DSCAML1: variants seen among roughly 807,000 people sequenced by gnomAD.
DSCAML1 encodes DS cell adhesion molecule like 1.
Under a neutral mutation model 200.5 loss-of-function variants are expected in DSCAML1, and 38 were observed. That is an observed-to-expected ratio of 0.19 (90% CI 0.15 to 0.25). The LOEUF (loss-of-function observed/expected upper bound fraction) is 0.25, where lower values mean the gene tolerates loss of function less well. Ranked by LOEUF, DSCAML1 falls within the 10% of genes least tolerant of loss-of-function variation. The pLI, the probability that DSCAML1 is intolerant of heterozygous loss-of-function variation, is 1.00. For missense variants in DSCAML1, 2,223 were observed against 2,858.8 expected, an observed-to-expected ratio of 0.78 and a Z score of 5.07; for synonymous variants, 1,215 against 1,165.0, an observed-to-expected ratio of 1.04 and a Z score of -0.87.
intron 3 of DSCAML1, among the ~76,000 whole-genome samples, chr11:117,580,060 A>G (rs1486116884): frequency 1.3e-5 from 2 of 152,210 alleles, no homozygotes; most frequent in Non-Finnish European, 2.9e-5. Context: ...CCCATCTTCA[A>G]GTGTCTCAGA....
At chr11:117,478,199 G>A (rs1297606860) in intron 14 of DSCAML1, among the ~76,000 whole-genome samples, 1 of 152,222 alleles carries the variant, frequency 6.6e-6, no homozygotes, top group Non-Finnish European at 1.5e-5. Context: ...CCACGCATTA[G>A]AGACTGGTCA....
At chr11:117,539,202 T>C (rs984645875) in intron 3 of DSCAML1, among the ~76,000 whole-genome samples, 10 of 152,208 alleles carry the variant, frequency 6.6e-5, no homozygotes, top group Admixed American at 1.3e-4. Context: ...ATTCACCTTC[T>C]TCAGGAAGCC....
chr11:117,792,132 T>C (rs1358766040), intron 1 of DSCAML1, among the ~76,000 whole-genome samples: 5 of 152,128 alleles, frequency 3.3e-5, no homozygotes, highest in Admixed American at 3.3e-4. Context: ...CCTCTGGCCC[T>C]CCCCCTCTCT....
intron 3 of DSCAML1, among the ~76,000 whole-genome samples, chr11:117,707,347 A>T (rs770718770): frequency 6.6e-6 from 1 of 152,168 alleles, no homozygotes; most frequent in African/African-American, 2.4e-5. Flanking sequence ...ATAAGGAAAA[A>T]AGGACAGAGT....
At chr11:117,440,266 T>C (rs966203144) in intron 21 of DSCAML1, among the ~76,000 whole-genome samples, 3 of 152,082 alleles carry the variant, frequency 2.0e-5, no homozygotes, top group Non-Finnish European at 4.4e-5. Context: ...CAAAATGCTA[T>C]GGTAGGTGCA....
intron 14 of DSCAML1, among the ~76,000 whole-genome samples, chr11:117,473,292 T>A (rs1234774592): frequency 6.6e-6 from 1 of 150,848 alleles, no homozygotes; most frequent in African/African-American, 2.4e-5. Flanking sequence ...AGGTCAGGAG[T>A]TTGAGACCAG....
At chr11:117,658,061 A>G (rs897548720) in intron 3 of DSCAML1, among the ~76,000 whole-genome samples, 4 of 152,086 alleles carry the variant, frequency 2.6e-5, no homozygotes, top group African/African-American at 9.7e-5. Flanking sequence ...ACTTGAGAAC[A>G]ATGGCTTTTC....
At chr11:117,534,758 C>G (rs1385032981) in intron 3 of DSCAML1, among the ~76,000 whole-genome samples, 2 of 152,146 alleles carry the variant, frequency 1.3e-5, no homozygotes, top group African/African-American at 2.4e-5. Context: ...CACAGTCATG[C>G]ACCACCACAA....
intron 3 of DSCAML1, among the ~76,000 whole-genome samples, chr11:117,677,019 G>A (rs780165881): frequency 6.6e-6 from 1 of 152,176 alleles, no homozygotes; most frequent in African/African-American, 2.4e-5. Flanking sequence ...GATGGACTTG[G>A]CTCAATCATT....
chr11:117,605,054 G>A (rs977986823), intron 3 of DSCAML1, among the ~76,000 whole-genome samples: 1 of 152,104 alleles, frequency 6.6e-6, no homozygotes, highest in African/African-American at 2.4e-5. Context: ...CCTGCTCCCT[G>A]GTCTGGTTCT....
intron 1 of DSCAML1, among the ~76,000 whole-genome samples, chr11:117,785,610 G>C (rs2055338286): frequency 6.6e-6 from 1 of 152,184 alleles, no homozygotes; most frequent in African/African-American, 2.4e-5. Context: ...AGCAAGGTTT[G>C]AGGGTCCAGC....
In DSCAML1 at chr11:117,518,263, G is replaced by A. The variant is rs529739885; in HGVS notation, c.1510+203C>T. 6.6e-6 allele frequency among the ~76,000 whole-genome samples: 1 copy of A among 151,976 alleles called. No individual in the cohort carries two copies. Among genetic ancestry groups the A allele is most frequent in the African/African-American group, 2.4e-5 (1 of 41,376 alleles). On this transcript the variant is annotated intron_variant, in intron 7 of 32. Coordinates refer to ENST00000651296, the MANE Select transcript of DSCAML1 (RefSeq NM_020693.4). The surrounding 1 kb of genome is among the most constrained non-coding windows in gnomAD (Gnocchi z 6.3). ...ATGGGGAGGTGAATGAGGGTGAACT[G>A]TACCAGACACACACACGCACACAAG...
chr11:117,702,345 T>C (rs1183190611), intron 3 of DSCAML1, among the ~76,000 whole-genome samples: 3 of 152,074 alleles, frequency 2.0e-5, no homozygotes, highest in African/African-American at 7.2e-5. Context: ...TAGAACATGA[T>C]GCCTTCCTAT....
chr11:117,591,772 T>G (rs1000546472), intron 3 of DSCAML1, among the ~76,000 whole-genome samples: 2 of 152,206 alleles, frequency 1.3e-5, no homozygotes, highest in African/African-American at 4.8e-5. Flanking sequence ...CTGCCCATTC[T>G]GGAACGAGGG....
intron 3 of DSCAML1, among the ~76,000 whole-genome samples, chr11:117,733,577 G>A (rs986187541): frequency 3.3e-5 from 5 of 152,206 alleles, no homozygotes; most frequent in East Asian, 1.9e-4. Flanking sequence ...TCAGGCCTGC[G>A]GTCCCTCGAC....
At chr11:117,721,196 T>C (rs1274906275) in intron 3 of DSCAML1, among the ~76,000 whole-genome samples, 1 of 152,232 alleles carries the variant, frequency 6.6e-6, no homozygotes, top group Non-Finnish European at 1.5e-5. Flanking sequence ...CCAAGCACTA[T>C]GCTAAACAAG....
intron 3 of DSCAML1, among the ~76,000 whole-genome samples, chr11:117,676,995 G>A (rs74361939): frequency 0.025 from 3,784 of 152,156 alleles, 60 homozygotes; most frequent in Middle Eastern, 0.051. Flanking sequence ...GAGGCCCGGA[G>A]ACCCCTGATC....
chr11:117,575,782 T>G (rs1462532717), intron 3 of DSCAML1, among the ~76,000 whole-genome samples: 1 of 152,094 alleles, frequency 6.6e-6, no homozygotes, highest in African/African-American at 2.4e-5. Flanking sequence ...CAGTGAGCCA[T>G]GATCATGCCA....
In DSCAML1 at chr11:117,622,633, G is replaced by T. The variant is rs996285694; in HGVS notation, c.512-90111C>A. ...GGGCTGTTGTTTCTAGTTTATGTCTGGTTTCTCCTGGCATATTCAGTTCTG... is the reference window on the plus strand; with the variant it reads ...GGGCTGTTGTTTCTAGTTTATGTCTTGTTTCTCCTGGCATATTCAGTTCTG... On this transcript the variant is annotated intron_variant, in intron 3 of 32. Coordinates refer to ENST00000651296, the MANE Select transcript of DSCAML1 (RefSeq NM_020693.4). Among the ~76,000 whole-genome samples, 13 of 152,242 alleles carry T rather than the reference G, an allele frequency of 8.5e-5. No individual in the cohort carries two copies. In the East Asian group the frequency reaches 1.2e-3, roughly 14 times the overall value.
Sources: gnomAD v4.1 joint callset for allele counts (sites outside exome capture counted in the v4.1 genomes callset) on GRCh38, gnomAD v4.1.1 for gene constraint, Gnocchi (gnomAD v3.1) non-coding constraint, MANE v1.5 for transcripts, NCBI Gene and HGNC (gene_info 2026-07-23, HGNC 2026-07-21) for gene names.